The following FAM13A variants were observed in gnomAD, a reference collection of about 807,000 sequenced individuals.
FAM13A encodes the protein family with sequence similarity 13 member A, also known as protein FAM13A.
FAM13A carries 76 observed loss-of-function variants against 129.6 expected under a neutral mutation model. The observed-to-expected ratio is 0.59, with a 90% CI of 0.49 to 0.71. The LOEUF (loss-of-function observed/expected upper bound fraction) is 0.71, where lower values mean the gene tolerates loss of function less well. Ranked by LOEUF, FAM13A falls within the 30% of genes least tolerant of loss-of-function variation. The pLI, the probability that FAM13A is intolerant of heterozygous loss-of-function variation, is 0.00. For missense variants in FAM13A, 1,108 were observed against 1,249.3 expected, an observed-to-expected ratio of 0.89 and a Z score of 1.70; for synonymous variants, 443 against 449.9, an observed-to-expected ratio of 0.98 and a Z score of 0.20.
chr4:88,814,596 G>C (rs1045488155), intron 7 of FAM13A, among the ~76,000 whole-genome samples: 7 of 151,876 alleles, frequency 4.6e-5, no homozygotes, highest in African/African-American at 1.5e-4. Flanking sequence ...TAAAACACAG[G>C]GTATCAATGG....
At chr4:88,869,842 T>A (rs746995447) in intron 6 of FAM13A, among the ~76,000 whole-genome samples, 1 of 152,194 alleles carries the variant, frequency 6.6e-6, no homozygotes, top group Non-Finnish European at 1.5e-5. Flanking sequence ...AAAACAGACA[T>A]GACTGCATGA....
At position 88,870,675 on chromosome 4, in the gene FAM13A, C is replaced by T. The variant is rs558176485; in HGVS notation, c.844-19492G>A. 4.3e-3 allele frequency among the ~76,000 whole-genome samples: 655 copies of T among 152,358 alleles called. 1 individual carries two copies. Among genetic ancestry groups the T allele is most frequent in the Non-Finnish European group, 5.5e-3 (377 of 68,024 alleles). ...GCCTACCGCAGCCTGCCTCTGCAGA[C>T]TCTACCTCTGGGAGCAGGACACAGC... On this transcript the variant is annotated intron_variant, in intron 6 of 23. Coordinates refer to ENST00000264344, the MANE Select transcript of FAM13A (RefSeq NM_014883.4).
At chr4:88,785,831 G>A (rs924893836) in intron 10 of FAM13A, among the ~76,000 whole-genome samples, 8 of 152,156 alleles carry the variant, frequency 5.3e-5, no homozygotes, top group Non-Finnish European at 7.4e-5. Context: ...ATCAAGACAC[G>A]ATTGTATCAT....
chr4:89,009,619 G>A (rs1765480842), intron 3 of FAM13A, among the ~76,000 whole-genome samples: 1 of 152,120 alleles, frequency 6.6e-6, no homozygotes, highest in African/African-American at 2.4e-5. Flanking sequence ...TCAGAGTTGT[G>A]GGGACACAGG....
intron 19 of FAM13A, among the ~76,000 whole-genome samples, chr4:88,745,243 G>A (rs542684634): frequency 9.9e-5 from 15 of 152,180 alleles, no homozygotes; most frequent in African/African-American, 3.6e-4. Context: ...TATAGACAAA[G>A]CACCAAGGCT....
chr4:89,026,440 A>G (rs1767969781), intron 2 of FAM13A, among the ~76,000 whole-genome samples: 1 of 152,224 alleles, frequency 6.6e-6, no homozygotes, highest in South Asian at 2.1e-4. Flanking sequence ...CCTGGCTCTT[A>G]AGTTTTCAGA....
chr4:88,938,137 T>C lies in FAM13A; in HGVS notation c.710A>G (p.Glu237Gly). Residue 237 changes from glutamate (E) to glycine (G), a missense_variant, in exon 5 of 24, where the codon GAA (glutamate) becomes GGA (glycine). Glu to Gly is a moderately conservative substitution (Grantham distance 98). This residue lies in a region of FAM13A where 566 missense variants were observed against 595.7 expected (regional missense o/e 0.95). Coordinates refer to ENST00000264344, the MANE Select transcript of FAM13A (RefSeq NM_014883.4). ...GTTTTCACATCTCAGATGATCATTTTCTGTATACTCTACTTCAAACAGGGT... is the reference window on the plus strand; with the variant it reads ...GTTTTCACATCTCAGATGATCATTTCCTGTATACTCTACTTCAAACAGGGT... ...YNTLFEVEYT[E>G]NDHLRCENLA... is the part of the protein sequence containing the mutation. 6.2e-7 allele frequency: 1 copy of C among 1,613,590 alleles called. No homozygotes were observed. The highest frequency in any genetic ancestry group is 8.5e-7 in the Non-Finnish European group (1 of 1,179,544).
chr4:88,960,270 T>C (rs1301203383), intron 4 of FAM13A, among the ~76,000 whole-genome samples: 2 of 152,246 alleles, frequency 1.3e-5, no homozygotes, highest in Admixed American at 6.5e-5. Flanking sequence ...TTCTCTTTTT[T>C]GCTTTATTAA....
intron 4 of FAM13A, among the ~76,000 whole-genome samples, chr4:88,985,277 G>A (rs1342548316): frequency 1.3e-5 from 2 of 152,174 alleles, no homozygotes; most frequent in Non-Finnish European, 2.9e-5. Context: ...TGGTTGCCTA[G>A]AGCCAGGTTG....
chr4:89,023,799 C>T (rs887338677), intron 2 of FAM13A, among the ~76,000 whole-genome samples: 5 of 152,078 alleles, frequency 3.3e-5, no homozygotes, highest in African/African-American at 1.2e-4. Flanking sequence ...AAGAAGAATC[C>T]ATACAGTTTT....
intron 6 of FAM13A, among the ~76,000 whole-genome samples, chr4:88,858,854 T>C (rs568352937): frequency 6.6e-6 from 1 of 152,358 alleles, no homozygotes; most frequent in East Asian, 1.9e-4. Context: ...CACTGAATTG[T>C]AACCTTAAAA....
At chr4:89,045,848 AC>A (rs1465447642) in intron 1 of FAM13A, among the ~76,000 whole-genome samples, 3 of 151,764 alleles carry the variant, frequency 2.0e-5, no homozygotes, top group African/African-American at 7.3e-5. Flanking sequence ...ACATGGAGAA[AC>A]CCCGTCTCTA....
intron 2 of FAM13A, among the ~76,000 whole-genome samples, chr4:89,028,926 A>G (rs1432410797): frequency 1.3e-5 from 2 of 149,604 alleles, no homozygotes; most frequent in African/African-American, 5.0e-5. Context: ...ATAATGTACT[A>G]TATTATTCTC....
intron 7 of FAM13A, among the ~76,000 whole-genome samples, chr4:88,825,691 C>T (rs2149855978): frequency 6.6e-6 from 1 of 152,164 alleles, no homozygotes; most frequent in South Asian, 2.1e-4. Context: ...AGTTGAACTA[C>T]AACACTCAAT....
chr4:88,807,998 A>G (rs900154960), intron 7 of FAM13A, among the ~76,000 whole-genome samples: 10 of 152,308 alleles, frequency 6.6e-5, no homozygotes, highest in Middle Eastern at 6.8e-3. Context: ...TCAGTATTAC[A>G]TTTAGTCAAC....
At chr4:88,743,360 G>C (rs756814239) in intron 19 of FAM13A, among the ~76,000 whole-genome samples, 27 of 152,178 alleles carry the variant, frequency 1.8e-4, no homozygotes, top group Non-Finnish European at 3.8e-4. Context: ...CTTCCCTACT[G>C]AAACATCAGT....
At chr4:88,731,636 T>C (rs1737820409) in intron 22 of FAM13A, 4 of 555,392 alleles carry the variant, frequency 7.2e-6, no homozygotes, top group Non-Finnish European at 1.3e-5. Context: ...TGGGGGTTCC[T>C]GCTACTTGGG....
At chr4:88,822,902 T>G in intron 7 of FAM13A, 1 of 1,576,884 alleles carries the variant, frequency 6.3e-7, no homozygotes, top group Non-Finnish European at 8.6e-7. Flanking sequence ...AGATGCCAAG[T>G]ACTGGCAAAG....
intron 6 of FAM13A, among the ~76,000 whole-genome samples, chr4:88,863,706 T>C (rs935810346): frequency 6.6e-5 from 10 of 152,188 alleles, no homozygotes; most frequent in African/African-American, 1.2e-4. Flanking sequence ...CTGCAGATAA[T>C]TGGAGAATTG....
Sources: allele counts gnomAD v4.1 joint callset (sites outside exome capture counted in the v4.1 genomes callset), GRCh38; gene constraint gnomAD v4.1.1; regional missense constraint gnomAD v4.1.1; transcripts MANE v1.5; gene names NCBI Gene and HGNC (gene_info 2026-07-23, HGNC 2026-07-21).